The following PDGFC variants were observed in gnomAD, a reference collection of about 807,000 sequenced individuals.
The protein encoded by PDGFC is platelet-derived growth factor C.
A neutral mutation model predicts 35.5 loss-of-function variants in PDGFC; 12 were observed. That is an observed-to-expected ratio of 0.34 (90% confidence interval 0.22 to 0.55). PDGFC has a LOEUF of 0.55. PDGFC is among the 20% of genes least tolerant of loss of function. The pLI is 0.91. For missense variants in PDGFC, 322 were observed against 412.4 expected, an observed-to-expected ratio of 0.78 and a Z score of 1.90; for synonymous variants, 159 against 148.8, an observed-to-expected ratio of 1.07 and a Z score of -0.50.
intron 3 of PDGFC, among the ~76,000 whole-genome samples, chr4:156,795,789 G>A (rs1021201832): frequency 1.3e-5 from 2 of 152,104 alleles, no homozygotes; most frequent in Non-Finnish European, 2.9e-5. Context: ...CATAAATTTT[G>A]CATGGGAGAG....
chr4:156,877,884 C>T (rs1237655849), intron 1 of PDGFC, among the ~76,000 whole-genome samples: 2 of 152,110 alleles, frequency 1.3e-5, no homozygotes, highest in Admixed American at 6.5e-5. Flanking sequence ...AATGTCATCT[C>T]CCTGATCTAC....
At chr4:156,817,328 TAG>T (rs1231231456) in intron 2 of PDGFC, among the ~76,000 whole-genome samples, 1 of 152,048 alleles carries the variant, frequency 6.6e-6, no homozygotes, top group African/African-American at 2.4e-5. Flanking sequence ...AACAAGGGGT[TAG>T]AGAGAGAATA....
chr4:156,946,792 C>G (rs78302158), intron 1 of PDGFC, among the ~76,000 whole-genome samples: 2,936 of 152,126 alleles, frequency 0.019, 79 homozygotes, highest in African/African-American at 0.065. Context: ...GAGGGCTAGG[C>G]AACACAGTAT....
rs557442960 is a variant in PDGFC at position 156,833,337 on chromosome 4, G to A, written c.314+16884C>T. Among the ~76,000 whole-genome samples the A allele has an allele frequency of 2.6e-5, 4 of 152,278 alleles. No individual in the cohort carries two copies. The East Asian group carries it at 5.8e-4, about 22-fold the overall frequency. On this transcript the variant is annotated intron_variant, in intron 2 of 5. Coordinates refer to ENST00000502773, the MANE Select transcript of PDGFC (RefSeq NM_016205.3). The stretch of plus-strand genomic sequence containing the variant: ...TTAGTAGTGGATATTCAATAAGCAC[G>A]TATTAAGTCTGTGACTATAGGAAAG...
intron 1 of PDGFC, among the ~76,000 whole-genome samples, chr4:156,889,546 C>T (rs1579079459): frequency 6.6e-6 from 1 of 152,178 alleles, no homozygotes; most frequent in East Asian, 1.9e-4. Flanking sequence ...CGTTTCTTAA[C>T]ATTCTTCATG....
intron 1 of PDGFC, among the ~76,000 whole-genome samples, chr4:156,881,434 C>T (rs1426879872): frequency 6.6e-6 from 1 of 152,088 alleles, no homozygotes. Context: ...GTGTTCCCAC[C>T]CAAATCTCAT....
At chr4:156,790,052 T>TCAGAAGA (rs1731251888) in intron 3 of PDGFC, among the ~76,000 whole-genome samples, 1 of 146,882 alleles carries the variant, frequency 6.8e-6, no homozygotes, top group Non-Finnish European at 1.5e-5. Context: ...GAATTTTAAA[T>TCAGAAGA]CAGAAGACCT....
chr4:156,860,541 C>A (rs1048646424), intron 1 of PDGFC, among the ~76,000 whole-genome samples: 3 of 151,786 alleles, frequency 2.0e-5, no homozygotes, highest in African/African-American at 7.3e-5. Flanking sequence ...AAGATATGAA[C>A]AAACACCTGA....
chr4:156,771,797 G>C (rs1730700156), intron 4 of PDGFC, among the ~76,000 whole-genome samples: 1 of 152,088 alleles, frequency 6.6e-6, no homozygotes, highest in Non-Finnish European at 1.5e-5. Flanking sequence ...AATTCTCTAG[G>C]CTGTCACTGC....
chr4:156,803,291 G>A (rs991075180), intron 3 of PDGFC, among the ~76,000 whole-genome samples: 1 of 152,090 alleles, frequency 6.6e-6, no homozygotes, highest in Non-Finnish European at 1.5e-5. Flanking sequence ...ATAATTCTAA[G>A]GGAAACATAA....
At chr4:156,763,286 G>A in intron 5 of PDGFC, 80 bp from the exon 6 acceptor site, 2 of 570,188 alleles carry the variant, frequency 3.5e-6, no homozygotes, top group Non-Finnish European at 6.5e-6. Context: ...TAACGTTTTA[G>A]AAAAGAATCT....
intron 1 of PDGFC, among the ~76,000 whole-genome samples, chr4:156,877,915 T>A (rs573657327): frequency 6.6e-6 from 1 of 152,248 alleles, no homozygotes; most frequent in African/African-American, 2.4e-5. Context: ...TAATTCCCTA[T>A]TCTCACCCCT....
chr4:156,821,013 C>T (rs534056850), intron 2 of PDGFC, among the ~76,000 whole-genome samples: 7 of 152,188 alleles, frequency 4.6e-5, no homozygotes, highest in East Asian at 1.9e-4. Context: ...AAGAAACAAA[C>T]GATCCTTAGT....
At chr4:156,787,553 G>A (rs889402357) in intron 3 of PDGFC, among the ~76,000 whole-genome samples, 5 of 152,158 alleles carry the variant, frequency 3.3e-5, no homozygotes, top group Non-Finnish European at 5.9e-5. Flanking sequence ...GCTGGATGAC[G>A]ATGTGGGATC....
chr4:156,894,891 T>C (rs914274833), intron 1 of PDGFC, among the ~76,000 whole-genome samples: 3 of 152,218 alleles, frequency 2.0e-5, no homozygotes, highest in Non-Finnish European at 4.4e-5. Context: ...GAAGAATCTC[T>C]AGTTATTATG....
At chr4:156,785,350 C>G (rs994547072) in intron 3 of PDGFC, among the ~76,000 whole-genome samples, 1 of 151,966 alleles carries the variant, frequency 6.6e-6, no homozygotes, top group South Asian at 2.1e-4. Context: ...TACAGGGGTC[C>G]GCCACCACAC....
intron 1 of PDGFC, among the ~76,000 whole-genome samples, chr4:156,918,219 C>T (rs934912877): frequency 6.6e-6 from 1 of 152,150 alleles, no homozygotes; most frequent in African/African-American, 2.4e-5. Flanking sequence ...CCTTTTCTCA[C>T]AAATTTCAAA....
At chr4:156,773,357 T>C (rs1409656996) in intron 3 of PDGFC, among the ~76,000 whole-genome samples, 2 of 152,174 alleles carry the variant, frequency 1.3e-5, no homozygotes, top group African/African-American at 4.8e-5. Context: ...TTAGAAATCA[T>C]TTGACATTAA....
At chr4:156,834,368 C>A (rs1729013705) in intron 2 of PDGFC, among the ~76,000 whole-genome samples, 1 of 152,088 alleles carries the variant, frequency 6.6e-6, no homozygotes, top group Non-Finnish European at 1.5e-5. Context: ...ACAATGCAGG[C>A]CTCATTTCCA....
Sources: allele counts gnomAD v4.1 joint callset (sites outside exome capture counted in the v4.1 genomes callset), GRCh38; gene constraint gnomAD v4.1.1; transcripts MANE v1.5; gene names NCBI Gene and HGNC (gene_info 2026-07-23, HGNC 2026-07-21).